C19orf38: variants seen among roughly 807,000 people sequenced by gnomAD.
C19orf38 encodes protein HIDE1.
A neutral mutation model predicts 26.6 loss-of-function variants in C19orf38; 14 were observed. That is an observed-to-expected ratio of 0.53 (90% CI 0.35 to 0.82). The LOEUF is 0.82. Among genes scored for constraint, C19orf38 ranks in the 40% least tolerant of loss-of-function variants. C19orf38 has a pLI of 0.01. For synonymous variants in C19orf38, 132 were observed against 128.5 expected (o/e 1.03, Z -0.18); for missense variants, 261 against 299.5 (o/e 0.87, Z 0.95).
chr19:10,850,259 G>T lies in C19orf38; in HGVS notation c.32G>T (p.Gly11Val), dbSNP rs1437206635. The T allele has an allele frequency of 6.5e-7, 1 of 1,548,928 alleles. No homozygotes were observed. The highest frequency in any genetic ancestry group is 1.2e-5 in the South Asian group (1 of 83,894). The change falls in exon 2 of 7, where the codon GGC (glycine) becomes GTC (valine). Residue 11 changes from glycine to valine, a missense_variant and splice_region_variant. Physicochemically the swap from Gly to Val is moderately radical, Grantham distance 109. Coordinates refer to ENST00000397820, the MANE Select transcript of C19orf38 (RefSeq NM_001136482.3). ...ACCCACCTTACCCTCTGCATTGCAGGCTCCTTGGCGATCCCAGCACCATCC... is the reference window on the plus strand; with the variant it reads ...ACCCACCTTACCCTCTGCATTGCAGTCTCCTTGGCGATCCCAGCACCATCC... MPWTILLFAAGSLAIPAPSIR... is the reference protein window; with the variant it reads MPWTILLFAAVSLAIPAPSIR...
upstream of C19orf38, among the ~76,000 whole-genome samples, chr19:10,847,369 C>CTTTT (rs918277367): frequency 4.0e-5 from 5 of 125,934 alleles, no homozygotes; most frequent in East Asian, 2.3e-4. Context: ...GTCCACTGCT[C>CTTTT]TTTTTTTTTT....
chr19:10,838,118 A>T (rs115252324), intron 1 of C19orf38, among the ~76,000 whole-genome samples: 2,577 of 152,258 alleles, frequency 0.017, 76 homozygotes, highest in African/African-American at 0.06. Flanking sequence ...GCATAAAATT[A>T]ACAATTTTAA....
At chr19:10,843,972 C>T (rs182389995), upstream of C19orf38, among the ~76,000 whole-genome samples, 4 of 151,942 alleles carry the variant, frequency 2.6e-5, no homozygotes, top group East Asian at 5.8e-4. Context: ...AATTAGCCAG[C>T]CGTAGTGGTG....
intron 6 of C19orf38, among the ~76,000 whole-genome samples, chr19:10,867,912 C>G (rs1205078173): frequency 6.6e-6 from 1 of 151,976 alleles, no homozygotes; most frequent in East Asian, 1.9e-4. Context: ...CTCGACCTCC[C>G]AAAGTGCTGG....
rs574203483 is a variant in C19orf38 at position 10,852,216 on chromosome 19, C to T, written c.340+1649C>T. On this transcript the variant is annotated intron_variant, in intron 2 of 6. Transcript: ENST00000397820. Reference sequence around the variant, plus strand: ...TTAACCTCAAGTGATCCTCCCACCTCGGCCTCCAGAGTAGCTGGGATTACA... The same window carrying T: ...TTAACCTCAAGTGATCCTCCCACCTTGGCCTCCAGAGTAGCTGGGATTACA... Among the ~76,000 whole-genome samples the T allele has an allele frequency of 3.3e-5, 5 of 152,114 alleles. No homozygotes were observed. The South Asian group carries it at 6.2e-4, about 19-fold the overall frequency.
rs560384156 is a variant in C19orf38, at chr19:10,864,580, C to T, written c.543+1373C>T. On this transcript the variant is annotated intron_variant, in intron 6 of 6. Transcript: ENST00000397820. ...GGAGGGGACCGGATTCAGGTGCACA[C>T]AGGCGCCCTCTGGTGGCTTCTGCAG... Among the ~76,000 whole-genome samples the T allele has an allele frequency of 7.9e-5, 12 of 152,274 alleles. No individual in the cohort carries two copies. In the South Asian group the frequency reaches 2.5e-3, roughly 32 times the overall value.
chr19:10,857,559 G>A (rs1406957330), intron 3 of C19orf38, among the ~76,000 whole-genome samples: 5 of 149,512 alleles, frequency 3.3e-5, no homozygotes, highest in African/African-American at 9.8e-5. Flanking sequence ...GACTACAGGT[G>A]CGTGCCACCA....
intron 4 of C19orf38, among the ~76,000 whole-genome samples, chr19:10,859,244 A>ATGTGTGTGTG (rs35791729): frequency 1.3e-3 from 155 of 119,426 alleles, no homozygotes; most frequent in African/African-American, 4.5e-3. Flanking sequence ...GCTTTTATAT[A>ATGTGTGTGTG]TGTGTGTGTG....
intron 2 of C19orf38, among the ~76,000 whole-genome samples, chr19:10,855,549 G>A (rs2073615934): frequency 6.6e-6 from 1 of 152,074 alleles, no homozygotes; most frequent in African/African-American, 2.4e-5. Context: ...TTCTTTTTGA[G>A]ACAGAGTCTT....
At chr19:10,862,514 G>A (rs1183909345) in intron 5 of C19orf38, among the ~76,000 whole-genome samples, 1 of 151,958 alleles carries the variant, frequency 6.6e-6, no homozygotes, top group Non-Finnish European at 1.5e-5. Flanking sequence ...TAGAAGTGAT[G>A]TTTAAGCAGA....
At chr19:10,842,763 G>T (rs530344312) in intron 1 of C19orf38, among the ~76,000 whole-genome samples, 1 of 152,176 alleles carries the variant, frequency 6.6e-6, no homozygotes, top group South Asian at 2.1e-4. Context: ...ATTCCAGGTT[G>T]TAGATTCCTT....
upstream of C19orf38, among the ~76,000 whole-genome samples, chr19:10,845,080 C>T (rs1426377726): frequency 1.1e-4 from 17 of 150,922 alleles, no homozygotes; most frequent in Admixed American, 1.1e-3. Flanking sequence ...TCACTTGAGC[C>T]TGAGAGATGG....
chr19:10,866,758 A>C (rs1377579435), intron 6 of C19orf38, among the ~76,000 whole-genome samples: 1 of 151,932 alleles, frequency 6.6e-6, no homozygotes, highest in Non-Finnish European at 1.5e-5. Flanking sequence ...CTCCCACCTC[A>C]GCCTCCCAAG....
At chr19:10,842,831 C>T (rs1365565601) in intron 1 of C19orf38, among the ~76,000 whole-genome samples, 5 of 152,194 alleles carry the variant, frequency 3.3e-5, no homozygotes, top group African/African-American at 4.8e-5. Context: ...CATCTATGGC[C>T]GGCAGTGCCC....
chr19:10,865,400 G>T (rs964907349), intron 6 of C19orf38, among the ~76,000 whole-genome samples: 2 of 152,192 alleles, frequency 1.3e-5, no homozygotes, highest in African/African-American at 4.8e-5. Context: ...GCCCGCCTTG[G>T]CCTCCCAAAG....
chr19:10,842,341 A>T (rs2073484194), intron 1 of C19orf38: 1 of 603,358 alleles, frequency 1.7e-6, no homozygotes, highest in Non-Finnish European at 2.9e-6. Flanking sequence ...GCTCACTGCA[A>T]GCTCCGCCTC....
At chr19:10,861,926 TCTCA>T (rs1348420160) in intron 5 of C19orf38, among the ~76,000 whole-genome samples, 4 of 151,530 alleles carry the variant, frequency 2.6e-5, no homozygotes, top group African/African-American at 4.9e-5. Flanking sequence ...TGAGGCGGAG[TCTCA>T]CTCTGTCGCC....
At chr19:10,839,643 G>C (rs1023480690) in intron 1 of C19orf38, among the ~76,000 whole-genome samples, 1 of 151,648 alleles carries the variant, frequency 6.6e-6, no homozygotes, top group Non-Finnish European at 1.5e-5. Flanking sequence ...TGTTTCTAGG[G>C]TTAGACCATG....
At chr19:10,854,755 T>A (rs2073607102) in intron 2 of C19orf38, among the ~76,000 whole-genome samples, 1 of 152,030 alleles carries the variant, frequency 6.6e-6, no homozygotes, top group South Asian at 2.1e-4. Context: ...GATCTCAGGG[T>A]CTACCGTTGG....
Sources: gnomAD v4.1 joint callset for allele counts (sites outside exome capture counted in the v4.1 genomes callset) on GRCh38, gnomAD v4.1.1 for gene constraint, MANE v1.5 for transcripts, NCBI Gene and HGNC (gene_info 2026-07-23, HGNC 2026-07-21) for gene names.